Variants in MSRA observed in about 807,000 individuals in gnomAD.
MSRA encodes methionine sulfoxide reductase A, also known as mitochondrial peptide methionine sulfoxide reductase.
A neutral mutation model predicts 31.3 loss-of-function variants in MSRA; 54 were observed. That is an observed-to-expected ratio of 1.73 (90% CI 1.39 to 2.17). The LOEUF (loss-of-function observed/expected upper bound fraction) is 2.17. MSRA is among the 30% of genes most tolerant of loss of function. The probability of loss-of-function intolerance (pLI) is 0.00; values close to 1 mark genes in which losing one functional copy is unlikely to be tolerated. For missense variants in MSRA, 507 were observed against 300.9 expected, an observed-to-expected ratio of 1.69 and a Z score of -5.07; for synonymous variants, 169 against 116.5, an observed-to-expected ratio of 1.45 and a Z score of -2.90.
chr8:10,068,253 T>C (rs1331973355), intron 1 of MSRA, among the ~76,000 whole-genome samples: 1 of 152,236 alleles, frequency 6.6e-6, no homozygotes, highest in Non-Finnish European at 1.5e-5. Context: ...TTCCAATTTT[T>C]TCCCAGCCTG....
intron 5 of MSRA, among the ~76,000 whole-genome samples, chr8:10,363,555 C>T (rs1036282233): frequency 1.3e-5 from 2 of 152,118 alleles, no homozygotes; most frequent in Admixed American, 6.5e-5. Context: ...TTAGTAGTCC[C>T]CTTAGCCTGT....
chr8:10,410,539 C>T (rs928544868), intron 5 of MSRA, among the ~76,000 whole-genome samples: 9 of 152,346 alleles, frequency 5.9e-5, no homozygotes, highest in African/African-American at 1.4e-4. Flanking sequence ...TTCACCTCTT[C>T]CTCAAAACAG....
intron 1 of MSRA, among the ~76,000 whole-genome samples, chr8:10,206,405 G>T (rs1026757935): frequency 3.9e-5 from 6 of 152,118 alleles, no homozygotes; most frequent in Non-Finnish European, 7.3e-5. Flanking sequence ...CCTTTTCCCA[G>T]GCTTTTTGCT....
At chr8:10,055,332 T>C (rs1802288994) in intron 1 of MSRA, among the ~76,000 whole-genome samples, 2 of 152,224 alleles carry the variant, frequency 1.3e-5, no homozygotes, top group Non-Finnish European at 1.5e-5. Context: ...AAGGGTGAAA[T>C]ACTAGAAAAA....
intron 5 of MSRA, among the ~76,000 whole-genome samples, chr8:10,409,410 G>C (rs369058059): frequency 5.9e-5 from 9 of 152,200 alleles, no homozygotes; most frequent in African/African-American, 2.2e-4. Flanking sequence ...ATCATGTAAG[G>C]TCTCTTGTCA....
intron 5 of MSRA, among the ~76,000 whole-genome samples, chr8:10,352,923 C>A (rs989739461): frequency 2.0e-5 from 3 of 152,074 alleles, no homozygotes; most frequent in Non-Finnish European, 2.9e-5. Flanking sequence ...TGCTGCCCAG[C>A]TGATGAGCCC....
At chr8:10,143,796 C>T (rs1190319079) in intron 1 of MSRA, among the ~76,000 whole-genome samples, 1 of 152,218 alleles carries the variant, frequency 6.6e-6, no homozygotes, top group East Asian at 1.9e-4. Flanking sequence ...TCTTCAGATA[C>T]ATATCCAGAC....
At chr8:10,333,505 A>G (rs1280299195) in intron 5 of MSRA, among the ~76,000 whole-genome samples, 1 of 152,184 alleles carries the variant, frequency 6.6e-6, no homozygotes, top group East Asian at 1.9e-4. Flanking sequence ...TGACTTGGGC[A>G]GCAGTGGCTC....
chr8:10,337,018 C>G (rs1002483773), intron 5 of MSRA: 4 of 152,188 alleles, frequency 2.6e-5, no homozygotes, highest in African/African-American at 7.2e-5. Context: ...ATGGTAAAGA[C>G]CACCAGAGAT....
chr8:10,188,943 A>G (rs972844905), intron 1 of MSRA, among the ~76,000 whole-genome samples: 1 of 152,228 alleles, frequency 6.6e-6, no homozygotes, highest in Non-Finnish European at 1.5e-5. Context: ...GTGCTGAACT[A>G]CAGATTAATT....
chr8:10,188,854 G>T (rs369725196), intron 1 of MSRA, among the ~76,000 whole-genome samples: 4 of 152,242 alleles, frequency 2.6e-5, no homozygotes, highest in African/African-American at 9.6e-5. Flanking sequence ...GCTATTTTAG[G>T]TATTTTAATT....
At chr8:10,341,536 G>T (rs1183597600) in intron 5 of MSRA, among the ~76,000 whole-genome samples, 1 of 152,130 alleles carries the variant, frequency 6.6e-6, no homozygotes, top group African/African-American at 2.4e-5. Context: ...TTTGGGCAGG[G>T]ACATATATTT....
At chr8:10,239,097 A>G (rs542567524) in intron 2 of MSRA, among the ~76,000 whole-genome samples, 3 of 152,348 alleles carry the variant, frequency 2.0e-5, no homozygotes, top group South Asian at 2.1e-4. Context: ...AAACGAGTGT[A>G]CGTGAGTGGC....
At position 10,091,689 on chromosome 8, in the gene MSRA, C is replaced by G. The variant is rs577192706; in HGVS notation, c.142+37031C>G. Among the ~76,000 whole-genome samples the G allele has an allele frequency of 3.9e-5, 6 of 151,952 alleles. No homozygotes were observed. In the East Asian group the frequency reaches 9.7e-4, roughly 25 times the overall value. On this transcript the variant is annotated intron_variant, in intron 1 of 5. Coordinates refer to ENST00000317173, the MANE Select transcript of MSRA (RefSeq NM_012331.5). ...TGGTGCGATCTTGGCTCATTGCAACCTCTGCCTCCCGGGTTCAAGTGATTC... is the reference window on the plus strand; with the variant it reads ...TGGTGCGATCTTGGCTCATTGCAACGTCTGCCTCCCGGGTTCAAGTGATTC...
chr8:10,168,321 C>G (rs1805318588), intron 1 of MSRA, among the ~76,000 whole-genome samples: 1 of 152,140 alleles, frequency 6.6e-6, no homozygotes, highest in Non-Finnish European at 1.5e-5. Context: ...AACAGTATCT[C>G]TCTCTATAGA....
At position 10,054,616 on chromosome 8, in the gene MSRA, C is replaced by T. The variant is rs777123382; in HGVS notation, c.100C>T (p.Gln34Ter). The T allele has an allele frequency of 3.2e-6, 5 of 1,577,840 alleles. No individual in the cohort carries two copies. The South Asian group carries it at 4.6e-5, about 14-fold the overall frequency. The change falls in exon 1 of 6, where the codon CAG becomes TAG. Residue 34 changes from glutamine (Q) to a stop codon, truncating the protein, a stop_gained. Transcript: ENST00000317173. LOFTEE classifies it high-confidence loss of function. Reference protein sequence around the residue: ...GNSASNIVSPQEALPGRKEQT... With the variant: ...GNSASNIVSP ...CTCGGCCTCGAACATCGTCAGCCCC[C>T]AGGAGGCCTTGCCGGGCCGGAAGGA...
At chr8:10,415,318 A>T (rs1171230150) in intron 5 of MSRA, among the ~76,000 whole-genome samples, 1 of 152,096 alleles carries the variant, frequency 6.6e-6, no homozygotes, top group Non-Finnish European at 1.5e-5. Context: ...GACGACAAGG[A>T]AGTAATGGGA....
intron 2 of MSRA, among the ~76,000 whole-genome samples, chr8:10,243,729 T>A (rs1797460465): frequency 6.6e-6 from 1 of 152,202 alleles, no homozygotes; most frequent in South Asian, 2.1e-4. Flanking sequence ...GTATATTTTC[T>A]TCCAGTCTAA....
intron 2 of MSRA, among the ~76,000 whole-genome samples, chr8:10,225,733 C>T (rs892238542): frequency 6.6e-5 from 10 of 152,126 alleles, no homozygotes; most frequent in Non-Finnish European, 1.3e-4. Context: ...GCCTAGTTTT[C>T]TGGGTACTCG....
Sources: gnomAD v4.1 joint callset for allele counts (sites outside exome capture counted in the v4.1 genomes callset) on GRCh38, gnomAD v4.1.1 for gene constraint, MANE v1.5 for transcripts, NCBI Gene and HGNC (gene_info 2026-07-23, HGNC 2026-07-21) for gene names.